PIP5K1B: variants seen among roughly 807,000 people sequenced by gnomAD.
PIP5K1B encodes phosphatidylinositol 4-phosphate 5-kinase type-1 beta.
In PIP5K1B, 42 loss-of-function variants were observed where a neutral mutation model predicts 67.0. The ratio of observed to expected loss-of-function variants is 0.63; its 90% confidence interval spans 0.49 to 0.81. The LOEUF (loss-of-function observed/expected upper bound fraction) is 0.81. Ranked by LOEUF, PIP5K1B falls within the 30% of genes least tolerant of loss-of-function variation. The probability of loss-of-function intolerance (pLI) is 0.00; values close to 1 mark genes in which losing one functional copy is unlikely to be tolerated. For synonymous variants in PIP5K1B, 214 were observed against 231.4 expected (o/e 0.92, Z 0.68); for missense variants, 459 against 646.3 (o/e 0.71, Z 3.14).
intron 2 of PIP5K1B, chr9:68,781,735 A>T (rs551427252): frequency 4.2e-5 from 7 of 166,986 alleles, no homozygotes; most frequent in African/African-American, 1.7e-4. Context: ...TAGAGAAAAT[A>T]AAATTTTTTC....
At chr9:68,868,506 G>A (rs187562684) in intron 5 of PIP5K1B, among the ~76,000 whole-genome samples, 254 of 152,278 alleles carry the variant, frequency 1.7e-3, no homozygotes, top group African/African-American at 5.8e-3. Context: ...TGGTAAAGCC[G>A]AGATTTTAAC....
chr9:68,994,897 T>C (rs752363560), intron 15 of PIP5K1B, among the ~76,000 whole-genome samples: 6 of 152,036 alleles, frequency 3.9e-5, no homozygotes, highest in Non-Finnish European at 7.4e-5. Context: ...GAAATAAGAT[T>C]TTCCAAGGTG....
At chr9:68,792,612 G>A (rs2132503839) in intron 2 of PIP5K1B, among the ~76,000 whole-genome samples, 1 of 152,068 alleles carries the variant, frequency 6.6e-6, no homozygotes, top group East Asian at 1.9e-4. Flanking sequence ...CCGAGTAGGT[G>A]GGACTACAGG....
chr9:68,785,444 C>T (rs1831555766), intron 2 of PIP5K1B, among the ~76,000 whole-genome samples: 1 of 152,176 alleles, frequency 6.6e-6, no homozygotes, highest in Admixed American at 6.5e-5. Flanking sequence ...TCAGATTGCT[C>T]ACTGTAGCCA....
intron 4 of PIP5K1B, among the ~76,000 whole-genome samples, chr9:68,837,293 T>C (rs1351568229): frequency 1.3e-5 from 2 of 152,200 alleles, no homozygotes; most frequent in Non-Finnish European, 2.9e-5. Context: ...CCTTTAAAAA[T>C]GGTTATCCCA....
intron 2 of PIP5K1B, among the ~76,000 whole-genome samples, chr9:68,803,928 C>T (rs144180868): frequency 7.8e-4 from 118 of 152,204 alleles, no homozygotes; most frequent in African/African-American, 2.3e-3. Context: ...ATTCAGTGTC[C>T]GTGCTTCAGA....
In PIP5K1B at chr9:68,792,462, GTTGTTGTTTGT is replaced by G. The variant is rs985612581; in HGVS notation, c.-85-25993_-85-25983del. On this transcript the variant is annotated intron_variant, in intron 2 of 15. Coordinates refer to ENST00000265382, the MANE Select transcript of PIP5K1B (RefSeq NM_003558.4). ...TTTACTGTGGCACATGTGTTTTTTT[GTTGTTGTTTGT>G]TTGTTTGTTTGTTTGTTTGTTTTTG... Among the ~76,000 whole-genome samples the G allele has an allele frequency of 6.0e-4, 40 of 66,286 alleles. 1 individual carries two copies. The highest frequency in any genetic ancestry group is 4.8e-3 in the South Asian group (9 of 1,856). The allele number at this position is 66,286 out of a possible 152,430, so 43.5% of individuals were successfully genotyped here.
intron 5 of PIP5K1B, among the ~76,000 whole-genome samples, chr9:68,865,739 G>A (rs375775217): frequency 1.3e-5 from 2 of 152,234 alleles, no homozygotes; most frequent in Non-Finnish European, 2.9e-5. Flanking sequence ...GAACTTGCTA[G>A]ACATGCAGAT....
intron 2 of PIP5K1B, among the ~76,000 whole-genome samples, chr9:68,775,039 T>C (rs934961237): frequency 2.0e-5 from 3 of 152,246 alleles, no homozygotes; most frequent in African/African-American, 7.2e-5. Context: ...CCATCACTTA[T>C]TTGCAGTAAG....
At position 68,723,116 on chromosome 9, in the gene PIP5K1B, A is replaced by C. The variant is rs993574190; in HGVS notation, c.-243+17354A>C. On this transcript the variant is annotated intron_variant, in intron 1 of 15. Transcript: ENST00000265382. ...CTTCCGGTTTCCACCATGTTGCTAC[A>C]AATGACAGGATCTCGTTCTTTTCTG... Among the ~76,000 whole-genome samples the C allele has an allele frequency of 2.6e-5, 4 of 152,250 alleles. No homozygotes were observed. In the East Asian group the frequency reaches 7.7e-4, roughly 29 times the overall value.
chr9:68,892,253 G>A (rs1381786193), intron 7 of PIP5K1B, among the ~76,000 whole-genome samples: 1 of 152,190 alleles, frequency 6.6e-6, no homozygotes, highest in African/African-American at 2.4e-5. Context: ...GAAAGTGAGA[G>A]CAAGTCTCAT....
chr9:68,850,787 T>C lies in PIP5K1B; in HGVS notation c.70-13050T>C, dbSNP rs79900623. Among the ~76,000 whole-genome samples the C allele has an allele frequency of 8.1e-3, 1,239 of 152,342 alleles. 5 individuals are homozygous for C. The highest frequency in any genetic ancestry group is 0.013 in the Non-Finnish European group (901 of 68,032). On this transcript the variant is annotated intron_variant, in intron 4 of 15. Transcript: ENST00000265382. ...TATTGAATCTAAATTGATATTTATA[T>C]CAAATAAATAACAATTTTTATTTGA...
chr9:68,931,793 C>G (rs1827012201), intron 12 of PIP5K1B, among the ~76,000 whole-genome samples: 1 of 152,178 alleles, frequency 6.6e-6, no homozygotes, highest in Non-Finnish European at 1.5e-5. Flanking sequence ...ACACAGGATA[C>G]CTACTGCCAG....
intron 3 of PIP5K1B, among the ~76,000 whole-genome samples, chr9:68,820,099 G>A (rs1017486324): frequency 5.9e-5 from 9 of 152,010 alleles, no homozygotes; most frequent in African/African-American, 1.7e-4. Context: ...AGTTGCTCTT[G>A]TAGTTTTTTG....
At chr9:68,785,895 T>C (rs1455344521) in intron 2 of PIP5K1B, among the ~76,000 whole-genome samples, 1 of 152,268 alleles carries the variant, frequency 6.6e-6, no homozygotes, top group Non-Finnish European at 1.5e-5. Context: ...TATCCTTTTA[T>C]GAAGCGATTG....
At chr9:68,713,474 T>G (rs1308241259) in intron 1 of PIP5K1B, among the ~76,000 whole-genome samples, 1 of 152,182 alleles carries the variant, frequency 6.6e-6, no homozygotes, top group Non-Finnish European at 1.5e-5. Flanking sequence ...GTGATTCTGC[T>G]GCATACCCAA....
At chr9:68,928,826 T>G (rs1329022247) in intron 12 of PIP5K1B, among the ~76,000 whole-genome samples, 1 of 152,164 alleles carries the variant, frequency 6.6e-6, no homozygotes, top group Non-Finnish European at 1.5e-5. Context: ...ATACTTTAGG[T>G]CCTATGCTAT....
intron 4 of PIP5K1B, chr9:68,843,071 G>A (rs1370553588): frequency 1.3e-5 from 2 of 152,190 alleles, no homozygotes; most frequent in African/African-American, 4.8e-5. Context: ...GGATTTTTAT[G>A]TATTGTTTTT....
chr9:68,930,305 C>A (rs370799897), intron 12 of PIP5K1B, among the ~76,000 whole-genome samples: 42 of 152,258 alleles, frequency 2.8e-4, no homozygotes, highest in African/African-American at 8.9e-4. Context: ...ACTTAAGCAT[C>A]CACTAGATTC....
Sources: gnomAD v4.1 joint callset for allele counts (sites outside exome capture counted in the v4.1 genomes callset) on GRCh38, gnomAD v4.1.1 for gene constraint, MANE v1.5 for transcripts, NCBI Gene and HGNC (gene_info 2026-07-23, HGNC 2026-07-21) for gene names.